The following KCNAB1 variants were observed in gnomAD, a reference collection of about 807,000 sequenced individuals.
KCNAB1 encodes the protein potassium voltage-gated channel subfamily A regulatory beta subunit 1, also known as voltage-gated potassium channel subunit beta-1.
In KCNAB1, 35 loss-of-function variants were observed where a neutral mutation model predicts 64.6. That is an observed-to-expected ratio of 0.54 (90% CI 0.41 to 0.72). KCNAB1 has a LOEUF of 0.72. Among genes scored for constraint, KCNAB1 ranks in the 30% least tolerant of loss-of-function variants. KCNAB1 has a pLI of 0.00. For synonymous variants in KCNAB1, 177 were observed against 183.8 expected, an observed-to-expected ratio of 0.96 and a Z score of 0.30; for missense variants, 401 against 512.9, an observed-to-expected ratio of 0.78 and a Z score of 2.11.
At chr3:156,216,933 G>T (rs1037345280) in intron 1 of KCNAB1, 1 of 152,142 alleles carries the variant, frequency 6.6e-6, no homozygotes, top group African/African-American at 2.4e-5. Context: ...TTACATGACT[G>T]ACCTGGAGGA....
At chr3:156,436,703 A>G (rs901642606) in intron 2 of KCNAB1, among the ~76,000 whole-genome samples, 2 of 152,230 alleles carry the variant, frequency 1.3e-5, no homozygotes, top group African/African-American at 4.8e-5. Flanking sequence ...TGTAGGCTGC[A>G]TAAATGTCTT....
At chr3:156,345,784 G>A (rs966542468) in intron 1 of KCNAB1, among the ~76,000 whole-genome samples, 6 of 152,130 alleles carry the variant, frequency 3.9e-5, no homozygotes, top group African/African-American at 1.4e-4. Flanking sequence ...TAGAAATGGA[G>A]GAGAAGAATG....
At chr3:156,173,620 C>A (rs562740414) in intron 1 of KCNAB1, among the ~76,000 whole-genome samples, 1 of 152,304 alleles carries the variant, frequency 6.6e-6, no homozygotes, top group South Asian at 2.1e-4. Context: ...TAAATGACAG[C>A]ATTTATTCTA....
rs934941294 is a variant in KCNAB1 at position 156,537,495 on chromosome 3, A to G, written c.*748A>G. On this transcript the variant is annotated 3_prime_UTR_variant, in exon 14 of 14. Coordinates refer to ENST00000490337, the MANE Select transcript of KCNAB1 (RefSeq NM_172160.3). ...TCTAATGTTATGTCCACTTACAAGT[A>G]GAGACAGTAAAAGGATGAATACCCA... 13 of 154,040 alleles carry G rather than the reference A, an allele frequency of 8.4e-5. No homozygotes were observed. Among genetic ancestry groups the G allele is most frequent in the African/African-American group, 2.9e-4 (12 of 41,526 alleles). The allele number at this position is 154,040 out of a possible 1,614,324, so 9.5% of individuals were successfully genotyped here.
chr3:156,535,522 TACTAA>T (rs1455287077), intron 13 of KCNAB1, among the ~76,000 whole-genome samples: 2 of 152,202 alleles, frequency 1.3e-5, no homozygotes, highest in African/African-American at 4.8e-5. Flanking sequence ...CTCCGGCAGC[TACTAA>T]GCTCCACAGC....
chr3:156,320,539 T>TC, intron 1 of KCNAB1, among the ~76,000 whole-genome samples: 1 of 152,200 alleles, frequency 6.6e-6, no homozygotes, highest in Non-Finnish European at 1.5e-5. Flanking sequence ...TTTGCCATTT[T>TC]CCCACAGAGA....
intron 1 of KCNAB1, among the ~76,000 whole-genome samples, chr3:156,316,608 G>C (rs1391681160): frequency 6.6e-6 from 1 of 152,214 alleles, no homozygotes; most frequent in African/African-American, 2.4e-5. Context: ...AGTCAACAAA[G>C]GACAGTAAAG....
chr3:156,503,215 G>A (rs1442928570), intron 8 of KCNAB1, among the ~76,000 whole-genome samples: 1 of 152,142 alleles, frequency 6.6e-6, no homozygotes, highest in South Asian at 2.1e-4. Context: ...AAGAAAAGGT[G>A]CAATTTTGTG....
At chr3:156,489,368 A>G (rs1715471198) in intron 8 of KCNAB1, among the ~76,000 whole-genome samples, 1 of 152,112 alleles carries the variant, frequency 6.6e-6, no homozygotes, top group Non-Finnish European at 1.5e-5. Context: ...GGGATCAACT[A>G]TATCAAATGT....
intron 1 of KCNAB1, among the ~76,000 whole-genome samples, chr3:156,330,598 C>G (rs994155345): frequency 6.6e-5 from 10 of 152,298 alleles, no homozygotes; most frequent in African/African-American, 2.4e-5. Flanking sequence ...CTCAAAAGGA[C>G]AGCTCAGCAA....
chr3:156,419,060 T>A (rs957075631), intron 1 of KCNAB1, among the ~76,000 whole-genome samples: 4 of 152,218 alleles, frequency 2.6e-5, no homozygotes, highest in Non-Finnish European at 2.9e-5. Flanking sequence ...CTGACAGTTC[T>A]CATGTTTGGT....
intron 1 of KCNAB1, among the ~76,000 whole-genome samples, chr3:156,359,652 GGTA>G (rs764769971): frequency 2.6e-5 from 4 of 152,106 alleles, no homozygotes. Context: ...CACTGTGGTG[GGTA>G]TGCACCATTA....
intron 1 of KCNAB1, among the ~76,000 whole-genome samples, chr3:156,258,522 A>G (rs1331242531): frequency 6.6e-6 from 1 of 152,150 alleles, no homozygotes; most frequent in African/African-American, 2.4e-5. Flanking sequence ...TCCCTCATTC[A>G]TATGCATCCA....
chr3:156,533,672 G>A (rs761078025), intron 13 of KCNAB1, among the ~76,000 whole-genome samples: 11 of 152,130 alleles, frequency 7.2e-5, no homozygotes, highest in Non-Finnish European at 1.5e-4. Context: ...GGCAGGAGGC[G>A]ATGGTGGCTT....
chr3:156,538,099 TGA>T lies in KCNAB1; in HGVS notation c.*1355_*1356del. ...TTAATATCCCACTTGAGAAAAATTG[TGA>T]GACTATACTGTGTCAATATCTGTAA... On this transcript the variant is annotated 3_prime_UTR_variant, in exon 14 of 14. Transcript: ENST00000490337. The T allele has an allele frequency of 6.6e-6, 1 of 152,262 alleles. No individual in the cohort carries two copies. Among genetic ancestry groups the T allele is most frequent in the East Asian group, 1.9e-4 (1 of 5,190 alleles). 9.4% of individuals were successfully genotyped at this position (152,262 alleles called of 1,614,324 possible). A position where few individuals can be genotyped will look rare whatever the true frequency, so the allele number is the denominator to read the frequency against.
intron 11 of KCNAB1, among the ~76,000 whole-genome samples, chr3:156,522,781 T>C (rs1718041044): frequency 6.6e-6 from 1 of 152,352 alleles, no homozygotes; most frequent in Admixed American, 6.5e-5. Context: ...CCACTGCCTG[T>C]TGCAGAGCAT....
intron 1 of KCNAB1, among the ~76,000 whole-genome samples, chr3:156,211,762 C>T (rs1252476327): frequency 6.6e-6 from 1 of 152,174 alleles, no homozygotes; most frequent in Non-Finnish European, 1.5e-5. Flanking sequence ...TGAATGACTC[C>T]AGGAAACTGA....
intron 1 of KCNAB1, among the ~76,000 whole-genome samples, chr3:156,218,787 A>C (rs1384781578): frequency 2.0e-5 from 2 of 101,626 alleles, no homozygotes; most frequent in Non-Finnish European, 3.9e-5. Flanking sequence ...CCAGAACAGC[A>C]AAAAAAAAAA....
chr3:156,125,652 T>C (rs1713613238), intron 1 of KCNAB1, among the ~76,000 whole-genome samples: 1 of 152,222 alleles, frequency 6.6e-6, no homozygotes, highest in East Asian at 1.9e-4. Context: ...ACAGTAGTTA[T>C]ACTGAGACTC....
Sources: allele counts gnomAD v4.1 joint callset (sites outside exome capture counted in the v4.1 genomes callset), GRCh38; gene constraint gnomAD v4.1.1; transcripts MANE v1.5; gene names NCBI Gene and HGNC (gene_info 2026-07-23, HGNC 2026-07-21).